The following CACNA2D3 variants were observed in gnomAD, a reference collection of about 807,000 sequenced individuals.
CACNA2D3 encodes calcium voltage-gated channel auxiliary subunit alpha2delta 3, also known as voltage-dependent calcium channel subunit alpha-2/delta-3.
In CACNA2D3, 60 loss-of-function variants were observed where a neutral mutation model predicts 160.6. The observed-to-expected ratio is 0.37, with a 90% CI of 0.30 to 0.46. The LOEUF (loss-of-function observed/expected upper bound fraction) is 0.46. Ranked by LOEUF, CACNA2D3 falls within the 20% of genes least tolerant of loss-of-function variation. CACNA2D3 has a pLI of 1.00. For synonymous variants in CACNA2D3, 558 were observed against 492.9 expected (o/e 1.13, Z -1.75); for missense variants, 1,205 against 1,365.0 (o/e 0.88, Z 1.85).
intron 13 of CACNA2D3, among the ~76,000 whole-genome samples, chr3:54,802,053 A>C (rs2106673526): frequency 6.6e-6 from 1 of 152,228 alleles, no homozygotes; most frequent in East Asian, 1.9e-4. Context: ...GCTTTTATTG[A>C]CCCTGTTTTT....
chr3:54,190,475 C>T (rs1049553819), intron 2 of CACNA2D3, among the ~76,000 whole-genome samples: 2 of 152,230 alleles, frequency 1.3e-5, no homozygotes, highest in Non-Finnish European at 2.9e-5. Flanking sequence ...CCAGCACACA[C>T]ACCACTTTCC....
At chr3:54,934,488 C>T (rs1333901672) in intron 27 of CACNA2D3, among the ~76,000 whole-genome samples, 1 of 152,206 alleles carries the variant, frequency 6.6e-6, no homozygotes, top group Non-Finnish European at 1.5e-5. Context: ...ATATGAATAT[C>T]AGCGGAGTTT....
intron 11 of CACNA2D3, among the ~76,000 whole-genome samples, chr3:54,720,897 A>C (rs1433037799): frequency 6.6e-6 from 1 of 152,182 alleles, no homozygotes; most frequent in Non-Finnish European, 1.5e-5. Flanking sequence ...GGTAAAAAGA[A>C]AGGACAAGAT....
intron 13 of CACNA2D3, 108 bp from the exon 14 acceptor site, chr3:54,816,745 T>G: frequency 5.3e-5 from 63 of 1,193,240 alleles, no homozygotes; most frequent in Non-Finnish European, 6.6e-5. Flanking sequence ...TGTCTCCCCA[T>G]TTTGGTTTCT....
chr3:54,690,039 T>A (rs1700544902), intron 11 of CACNA2D3, among the ~76,000 whole-genome samples: 1 of 151,948 alleles, frequency 6.6e-6, no homozygotes. Context: ...CTCTACAACT[T>A]TGCACTGGTT....
intron 11 of CACNA2D3, among the ~76,000 whole-genome samples, chr3:54,646,186 CCTTCCTTGCTTCCTTCCTT>C (rs1699644047): frequency 1.5e-4 from 1 of 6,476 alleles, no homozygotes; most frequent in Admixed American, 1.7e-3. Flanking sequence ...CTCCCTCCCT[CCTTCCTTGCTTCCTTCCTT>C]CCTTCCTTCC....
At chr3:54,383,435 T>A (rs1157272544) in intron 3 of CACNA2D3, among the ~76,000 whole-genome samples, 1 of 152,148 alleles carries the variant, frequency 6.6e-6, no homozygotes, top group Admixed American at 6.5e-5. Context: ...TTCAAAGAGC[T>A]CCCTTCTGGG....
At chr3:54,906,077 A>G (rs1391996416) in intron 27 of CACNA2D3, among the ~76,000 whole-genome samples, 5 of 152,150 alleles carry the variant, frequency 3.3e-5, no homozygotes, top group African/African-American at 7.2e-5. Context: ...CAGCTTCCCA[A>G]TGAAGAATTG....
chr3:54,828,141 G>A (rs1233162982), intron 14 of CACNA2D3, among the ~76,000 whole-genome samples: 5 of 152,242 alleles, frequency 3.3e-5, no homozygotes, highest in Admixed American at 3.3e-4. Flanking sequence ...TAAACAAGGA[G>A]AAGGTTTTGT....
At chr3:54,520,506 G>C (rs943448487) in intron 5 of CACNA2D3, among the ~76,000 whole-genome samples, 1 of 152,186 alleles carries the variant, frequency 6.6e-6, no homozygotes, top group Non-Finnish European at 1.5e-5. Context: ...ACAACCTGGG[G>C]AGCCTCTGGA....
At chr3:54,810,116 C>T (rs768881252) in intron 13 of CACNA2D3, among the ~76,000 whole-genome samples, 3 of 152,082 alleles carry the variant, frequency 2.0e-5, no homozygotes, top group Non-Finnish European at 4.4e-5. Flanking sequence ...AGAGAATTGA[C>T]GTGAAGTTGT....
At chr3:54,581,640 A>G (rs1466610300) in intron 8 of CACNA2D3, among the ~76,000 whole-genome samples, 163 bp from the exon 9 acceptor site, 4 of 152,216 alleles carry the variant, frequency 2.6e-5, no homozygotes, top group African/African-American at 9.6e-5. Context: ...GCACATAATC[A>G]TAGTTGTCTA....
chr3:54,463,423 G>T (rs1700546412), intron 4 of CACNA2D3, among the ~76,000 whole-genome samples: 1 of 151,098 alleles, frequency 6.6e-6, no homozygotes, highest in East Asian at 2.0e-4. Context: ...CAATCACGTA[G>T]ATTTGGTCTT....
chr3:54,253,810 C>T (rs1473460663), intron 2 of CACNA2D3, among the ~76,000 whole-genome samples: 1 of 152,088 alleles, frequency 6.6e-6, no homozygotes, highest in Non-Finnish European at 1.5e-5. Context: ...GTCTATTGCC[C>T]AGGCTGGAGT....
chr3:54,949,007 C>T (rs1701687890), intron 27 of CACNA2D3, among the ~76,000 whole-genome samples: 1 of 152,192 alleles, frequency 6.6e-6, no homozygotes, highest in African/African-American at 2.4e-5. Flanking sequence ...GCTGAAATCA[C>T]CAAGTTTCTC....
At chr3:54,809,819 C>T (rs1393320474) in intron 13 of CACNA2D3, among the ~76,000 whole-genome samples, 1 of 151,486 alleles carries the variant, frequency 6.6e-6, no homozygotes, top group Non-Finnish European at 1.5e-5. Context: ...AACAAATATA[C>T]ACTGAATTCT....
rs60020847 is a variant in CACNA2D3 at position 54,832,011 on chromosome 3, TCACACACA to T, written c.1399-5110_1399-5103del. Among the ~76,000 whole-genome samples the T allele has an allele frequency of 3.4e-3, 410 of 118,938 alleles. 7 individuals carry two copies. Among genetic ancestry groups the T allele is most frequent in the African/African-American group, 0.01 (305 of 30,214 alleles). The allele number at this position is 118,938 out of a possible 152,430, so 78.0% of individuals were successfully genotyped here. On this transcript the variant is annotated intron_variant, in intron 14 of 37. Transcript: ENST00000474759. ...TCCCTCTTTATCTCTCTCTTCTCTG[TCACACACA>T]CACACACACACACACACACACACAC...
At chr3:54,439,140 A>G (rs1015806618) in intron 4 of CACNA2D3, among the ~76,000 whole-genome samples, 1 of 152,096 alleles carries the variant, frequency 6.6e-6, no homozygotes, top group Non-Finnish European at 1.5e-5. Context: ...CATTGATCCT[A>G]TGGCAGTTGG....
At chr3:54,401,777 A>G (rs1235673983) in intron 4 of CACNA2D3, among the ~76,000 whole-genome samples, 3 of 152,194 alleles carry the variant, frequency 2.0e-5, no homozygotes, top group Non-Finnish European at 2.9e-5. Context: ...TAGAAACAAA[A>G]GGATGTGAAT....
Sources: allele counts gnomAD v4.1 joint callset (sites outside exome capture counted in the v4.1 genomes callset), GRCh38; gene constraint gnomAD v4.1.1; transcripts MANE v1.5; gene names NCBI Gene and HGNC (gene_info 2026-07-23, HGNC 2026-07-21).